The following PDE11A variants were observed in gnomAD, a reference collection of about 807,000 sequenced individuals.
The protein encoded by PDE11A is dual 3',5'-cyclic-AMP and -GMP phosphodiesterase 11A.
In PDE11A, 100 loss-of-function variants were observed where a neutral mutation model predicts 100.5. The ratio of observed to expected loss-of-function variants is 1.00; its 90% CI spans 0.85 to 1.18. The LOEUF is 1.18. Among genes scored for constraint, PDE11A ranks in the 50% most tolerant of loss-of-function variants. The pLI, the probability that PDE11A is intolerant of heterozygous loss-of-function variation, is 0.00. For missense variants in PDE11A, 1,141 were observed against 1,152.6 expected (o/e 0.99, Z 0.15); for synonymous variants, 381 against 420.8 (o/e 0.91, Z 1.16).
chr2:177,885,139 TAC>T (rs1167081493), intron 4 of PDE11A, among the ~76,000 whole-genome samples: 19 of 152,130 alleles, frequency 1.2e-4, no homozygotes, highest in African/African-American at 3.9e-4. Context: ...TATATTGATA[TAC>T]AGTTATTAAT....
At chr2:177,772,105 C>G (rs575122032) in intron 9 of PDE11A, among the ~76,000 whole-genome samples, 1 of 152,228 alleles carries the variant, frequency 6.6e-6, no homozygotes, top group Admixed American at 6.5e-5. Context: ...AATACTTTCT[C>G]TTCCATTGTA....
Position 177,954,580 on chromosome 2 carries a change from G to A in PDE11A, c.1072-49393C>T, listed in dbSNP as rs550778024. ...CAGAACAGCAGTGCACATATATAAT[G>A]ATATTTCAATAGAAAAAGGGATTTC... On this transcript the variant is annotated intron_variant, in intron 2 of 19. Transcript: ENST00000286063. Among the ~76,000 whole-genome samples, 24 of 152,252 alleles carry A rather than the reference G, an allele frequency of 1.6e-4. 1 individual carries two copies. In the South Asian group the frequency reaches 4.6e-3, roughly 29 times the overall value.
At position 177,669,561 on chromosome 2, in the gene PDE11A, C is replaced by T; in HGVS notation, c.2494G>A (p.Glu832Lys). The T allele has an allele frequency of 7.1e-7, 1 of 1,412,076 alleles. No homozygotes were observed. The highest frequency in any genetic ancestry group is 1.0e-6 in the Non-Finnish European group (1 of 996,112). The allele number at this position is 1,412,076 out of a possible 1,614,324, so 87.5% of individuals were successfully genotyped here. Residue 832 changes from glutamate (E) to lysine (K), a missense_variant, in exon 18 of 20, where the codon GAA (glutamate) becomes AAA (lysine). Physicochemically the swap from Glu to Lys is moderately conservative, Grantham distance 56 (BLOSUM62 1). Transcript: ENST00000286063. Reference sequence around the variant, plus strand: ...TCGAAGAACTCACTGGTTACAAGTTCTGCCACCTGAAACATATAAATATTT... The same window carrying T: ...TCGAAGAACTCACTGGTTACAAGTTTTGCCACCTGAAACATATAAATATTT... ...KPWEISRQVAELVTSEFFEQG... is the reference protein window; with the variant it reads ...KPWEISRQVAKLVTSEFFEQG...
chr2:177,982,786 A>G (rs2085898877), intron 2 of PDE11A, among the ~76,000 whole-genome samples: 1 of 150,922 alleles, frequency 6.6e-6, no homozygotes, highest in African/African-American at 2.4e-5. Flanking sequence ...GTTACACTAT[A>G]AAAATAAGGC....
chr2:177,754,766 G>T (rs1331374668), intron 10 of PDE11A, among the ~76,000 whole-genome samples: 1 of 152,244 alleles, frequency 6.6e-6, no homozygotes, highest in South Asian at 2.1e-4. Flanking sequence ...GCTGGAGAGA[G>T]CTGTTTGGAT....
rs773934654 is a variant in PDE11A at position 177,817,889 on chromosome 2, G to A, written c.1613C>T (p.Pro538Leu). 2.6e-6 allele frequency: 4 copies of A among 1,551,506 alleles called. No homozygotes were observed. The South Asian group carries it at 4.5e-5, about 17-fold the overall frequency. Residue 538 changes from proline (P) to leucine (L), a missense_variant, in exon 8 of 20, where the codon CCT becomes CTT. Physicochemically the swap from Pro to Leu is moderately conservative, Grantham distance 98. Transcript: ENST00000286063. The stretch of plus-strand genomic sequence containing the variant: ...AAGTCGTTGATCTGCATCATCAAAA[G>A]GTTTCCCATCAAGTCTGTTTAACAC... The part of the protein sequence containing the change: ...AQVLNRLDGK[P>L]FDDADQRLFE...
At chr2:178,018,376 C>CACTTGACTTTAACTTGGCAT (rs2086366094) in intron 1 of PDE11A, 2 of 490,848 alleles carry the variant, frequency 4.1e-6, no homozygotes, top group Non-Finnish European at 8.1e-6. Context: ...CCTTTTGGCA[C>CACTTGACTTTAACTTGGCAT]ACTTGACTTT....
chr2:178,014,713 G>C (rs747867434), intron 1 of PDE11A, among the ~76,000 whole-genome samples: 3 of 152,136 alleles, frequency 2.0e-5, no homozygotes, highest in Non-Finnish European at 2.9e-5. Context: ...CAAAATTGGG[G>C]AAACGTGTTT....
intron 19 of PDE11A, among the ~76,000 whole-genome samples, chr2:177,647,617 G>A (rs928718204): frequency 1.3e-5 from 2 of 152,142 alleles, no homozygotes; most frequent in African/African-American, 4.8e-5. Flanking sequence ...TTCCTGCCTA[G>A]CACCAGACAT....
intron 6 of PDE11A, among the ~76,000 whole-genome samples, chr2:177,836,698 C>T (rs749731652): frequency 2.0e-5 from 3 of 152,232 alleles, no homozygotes; most frequent in Non-Finnish European, 4.4e-5. Flanking sequence ...GTAACACTCA[C>T]AGCGAAGGTC....
chr2:177,801,937 T>C (rs2082801066), intron 9 of PDE11A, among the ~76,000 whole-genome samples: 1 of 151,892 alleles, frequency 6.6e-6, no homozygotes, highest in Non-Finnish European at 1.5e-5. Flanking sequence ...AAGCTGCAAA[T>C]TGGGTGAAAA....
intron 2 of PDE11A, among the ~76,000 whole-genome samples, chr2:177,945,167 C>T (rs1418892866): frequency 6.6e-6 from 1 of 151,264 alleles, no homozygotes; most frequent in Non-Finnish European, 1.5e-5. Flanking sequence ...TCTCGGCTCA[C>T]TACAACCTAC....
At chr2:177,785,076 C>T (rs1247300766) in intron 9 of PDE11A, among the ~76,000 whole-genome samples, 1 of 152,190 alleles carries the variant, frequency 6.6e-6, no homozygotes, top group Non-Finnish European at 1.5e-5. Flanking sequence ...GGTCTTTGAG[C>T]ATAGGGGCTT....
rs1167272746 is a variant in PDE11A at position 177,769,524 on chromosome 2, C to G, written c.1738-151G>C. On this transcript the variant is annotated intron_variant, in intron 9 of 19. Coordinates refer to ENST00000286063, the MANE Select transcript of PDE11A (RefSeq NM_016953.4). ...TGACAAGAAACAACATGTCTAATAACATTCTCTGACATAATTCACATATTA... is the reference window on the plus strand; with the variant it reads ...TGACAAGAAACAACATGTCTAATAAGATTCTCTGACATAATTCACATATTA... 3 of 629,034 alleles carry G rather than the reference C, an allele frequency of 4.8e-6. No homozygotes were observed. In the Admixed American group the frequency reaches 8.2e-5, roughly 17 times the overall value. 39.0% of individuals were successfully genotyped at this position (629,034 alleles called of 1,614,324 possible). A position where few individuals can be genotyped will look rare whatever the true frequency, so the allele number is the denominator to read the frequency against.
intron 2 of PDE11A, among the ~76,000 whole-genome samples, chr2:177,972,566 T>C (rs1311390444): frequency 6.6e-6 from 1 of 151,924 alleles, no homozygotes; most frequent in Non-Finnish European, 1.5e-5. Flanking sequence ...ATGGCTGAAT[T>C]GCAAAAAGGA....
chr2:177,910,092 T>C (rs1313587478), intron 2 of PDE11A, among the ~76,000 whole-genome samples: 5 of 152,218 alleles, frequency 3.3e-5, no homozygotes, highest in Non-Finnish European at 1.5e-5. Flanking sequence ...CAAACATTAC[T>C]GTGGATGGAG....
chr2:177,897,473 C>T lies in PDE11A; in HGVS notation c.1302+585G>A, dbSNP rs369465598. ...GGTAAGGCTACTTTGTGCCAGAATTCGCAGGTTAACAGCAGCTGTGAAAGA... is the reference window on the plus strand; with the variant it reads ...GGTAAGGCTACTTTGTGCCAGAATTTGCAGGTTAACAGCAGCTGTGAAAGA... On this transcript the variant is annotated intron_variant, in intron 4 of 19. Coordinates refer to ENST00000286063, the MANE Select transcript of PDE11A (RefSeq NM_016953.4). Among the ~76,000 whole-genome samples, 6 of 152,212 alleles carry T rather than the reference C, an allele frequency of 3.9e-5. No individual in the cohort carries two copies. In the East Asian group the frequency reaches 7.7e-4, roughly 20 times the overall value.
In PDE11A at chr2:178,014,328, C is replaced by T. The variant is rs77477862; in HGVS notation, c.1045G>A (p.Ala349Thr). 2.8e-3 allele frequency: 4,546 copies of T among 1,613,118 alleles called. 11 individuals are homozygous for T. The highest frequency in any genetic ancestry group is 3.5e-3 in the Non-Finnish European group (4,083 of 1,179,142). The change falls in exon 2 of 20, where the codon GCT (alanine) becomes ACT (threonine). Residue 349 changes from alanine (A) to threonine (T), a missense_variant. Coordinates refer to ENST00000286063, the MANE Select transcript of PDE11A (RefSeq NM_016953.4). ...TTTTCATCATCTTCAGTAAATGGAG[C>T]TCCTTCAGGAATCTTATTTATCGCT... ...AQAINKIPEG[A>T]PFTEDDEKVM...
At chr2:178,025,840 T>A (rs1160812295) in intron 1 of PDE11A, among the ~76,000 whole-genome samples, 4 of 152,198 alleles carry the variant, frequency 2.6e-5, no homozygotes, top group African/African-American at 9.7e-5. Flanking sequence ...CACCTTTTTT[T>A]CTGACACAGT....
Sources: gnomAD v4.1 joint callset for allele counts (sites outside exome capture counted in the v4.1 genomes callset) on GRCh38, gnomAD v4.1.1 for gene constraint, MANE v1.5 for transcripts, NCBI Gene and HGNC (gene_info 2026-07-23, HGNC 2026-07-21) for gene names.